BICD1: variants seen among roughly 807,000 people sequenced by gnomAD.
The protein encoded by BICD1 is protein bicaudal D homolog 1.
In BICD1, 35 loss-of-function variants were observed where a neutral mutation model predicts 92.5. The ratio of observed to expected loss-of-function variants is 0.38; its 90% CI spans 0.29 to 0.50. BICD1 has a LOEUF of 0.50. Among genes scored for constraint, BICD1 ranks in the 20% least tolerant of loss-of-function variants. The probability of loss-of-function intolerance (pLI) is 0.93; values close to 1 mark genes in which losing one functional copy is unlikely to be tolerated. For missense variants in BICD1, 950 were observed against 1,189.8 expected, an observed-to-expected ratio of 0.80 and a Z score of 2.97; for synonymous variants, 429 against 465.1, an observed-to-expected ratio of 0.92 and a Z score of 1.00.
At chr12:32,226,467 A>AT (rs1945696568) in intron 2 of BICD1, among the ~76,000 whole-genome samples, 1 of 152,130 alleles carries the variant, frequency 6.6e-6, no homozygotes, top group Admixed American at 6.5e-5. Context: ...TATTAACTGG[A>AT]TTTTTGTCAA....
In BICD1 at chr12:32,328,232, A is replaced by G; in HGVS notation, c.1777A>G (p.Ser593Gly). The G allele has an allele frequency of 6.2e-7, 1 of 1,614,196 alleles. No individual in the cohort carries two copies. Among genetic ancestry groups the G allele is most frequent in the Non-Finnish European group, 8.5e-7 (1 of 1,180,040 alleles). ...KESTEASKEP[S>G]PTKTPTISPV... ...AAGCACAGAGGCCAGCAAAGAACCA[A>G]GTCCAACTAAGACCCCCACAATCTC... The change falls in exon 5 of 10, where the codon AGT (serine) becomes GGT (glycine). Residue 593 changes from serine (S) to glycine (G), a missense_variant. Transcript: ENST00000652176. The surrounding 1 kb of genome is among the most constrained non-coding windows in gnomAD (Gnocchi z 4.4).
chr12:32,144,077 A>T (rs2121391253), intron 1 of BICD1, among the ~76,000 whole-genome samples: 1 of 151,906 alleles, frequency 6.6e-6, no homozygotes, highest in South Asian at 2.1e-4. Context: ...TCTGCAGTTT[A>T]CTCTTTTTGT....
chr12:32,347,567 G>T (rs944431658), intron 8 of BICD1, among the ~76,000 whole-genome samples: 10 of 151,740 alleles, frequency 6.6e-5, no homozygotes, highest in African/African-American at 2.2e-4. Flanking sequence ...GAACCCAGGA[G>T]GTGGAGGTTG....
At chr12:32,356,632 C>CA (rs146552935) in intron 8 of BICD1, among the ~76,000 whole-genome samples, 50 of 144,324 alleles carry the variant, frequency 3.5e-4, no homozygotes, top group Admixed American at 1.8e-3. Context: ...GACTCCATCT[C>CA]AAAAAAAAAA....
At chr12:32,263,940 T>C (rs1267232366) in intron 2 of BICD1, among the ~76,000 whole-genome samples, 10 of 152,204 alleles carry the variant, frequency 6.6e-5, no homozygotes. Context: ...CTTTAAAATT[T>C]TTTTTACCAC....
chr12:32,133,868 G>A (rs146532468), intron 1 of BICD1, among the ~76,000 whole-genome samples: 297 of 148,688 alleles, frequency 2.0e-3, no homozygotes, highest in African/African-American at 6.7e-3. Flanking sequence ...TGCAACCTCC[G>A]CCTCCCGGGT....
intron 1 of BICD1, among the ~76,000 whole-genome samples, chr12:32,177,891 T>C (rs1468183740): frequency 6.7e-6 from 1 of 150,316 alleles, no homozygotes; most frequent in African/African-American, 2.4e-5. Context: ...ACCAAAGTTA[T>C]TTGCAGCTGT....
chr12:32,315,380 A>C (rs1336519785), intron 4 of BICD1, among the ~76,000 whole-genome samples: 1 of 152,166 alleles, frequency 6.6e-6, no homozygotes, highest in African/African-American at 2.4e-5. Flanking sequence ...TTTTGTAGCA[A>C]TTTTTGAAAT....
intron 1 of BICD1, among the ~76,000 whole-genome samples, chr12:32,155,808 T>C (rs376992466): frequency 1.1e-4 from 17 of 152,244 alleles, no homozygotes; most frequent in African/African-American, 3.6e-4. Context: ...AAAAGTGATT[T>C]ATAATCTTTT....
chr12:32,162,197 G>A (rs2121499633), intron 1 of BICD1, among the ~76,000 whole-genome samples: 2 of 152,330 alleles, frequency 1.3e-5, no homozygotes, highest in Admixed American at 1.3e-4. Flanking sequence ...ACCACCCTCA[G>A]AAATGTAGCT....
intron 2 of BICD1, among the ~76,000 whole-genome samples, chr12:32,227,042 G>T (rs1565601376): frequency 6.6e-6 from 1 of 152,210 alleles, no homozygotes; most frequent in East Asian, 1.9e-4. Context: ...GTGTAAAGTG[G>T]CTGCCAGACC....
chr12:32,229,521 C>CATCCAAT (rs1945806044), intron 2 of BICD1, among the ~76,000 whole-genome samples: 3 of 152,104 alleles, frequency 2.0e-5, no homozygotes, highest in Non-Finnish European at 4.4e-5. Flanking sequence ...ATCAACAGTG[C>CATCCAAT]GGATGCTGCT....
intron 4 of BICD1, among the ~76,000 whole-genome samples, chr12:32,321,103 A>T (rs1948645371): frequency 6.6e-6 from 1 of 152,156 alleles, no homozygotes; most frequent in African/African-American, 2.4e-5. Flanking sequence ...AGGTGGGCAG[A>T]TCACCTGAGG....
intron 1 of BICD1, among the ~76,000 whole-genome samples, chr12:32,115,756 A>G (rs1355573068): frequency 1.3e-5 from 2 of 152,194 alleles, no homozygotes; most frequent in African/African-American, 4.8e-5. Flanking sequence ...TTGTGGGTAA[A>G]TTAGCAGTGA....
chr12:32,232,934 T>C (rs1035947412), intron 2 of BICD1, among the ~76,000 whole-genome samples: 1 of 152,138 alleles, frequency 6.6e-6, no homozygotes, highest in Non-Finnish European at 1.5e-5. Flanking sequence ...CATCAACCTC[T>C]TGTGTAGTAG....
intron 2 of BICD1, among the ~76,000 whole-genome samples, chr12:32,234,065 C>T (rs984516590): frequency 1.3e-5 from 2 of 152,058 alleles, no homozygotes; most frequent in Non-Finnish European, 2.9e-5. Flanking sequence ...AATGCATATC[C>T]AACAAAAATA....
chr12:32,162,883 G>A (rs1943641015), intron 1 of BICD1, among the ~76,000 whole-genome samples: 1 of 152,144 alleles, frequency 6.6e-6, no homozygotes, highest in Non-Finnish European at 1.5e-5. Context: ...CTACTCAGGA[G>A]GCTGAGGCAG....
chr12:32,369,826 A>G (rs1421617975), intron 9 of BICD1, among the ~76,000 whole-genome samples: 1 of 151,884 alleles, frequency 6.6e-6, no homozygotes, highest in African/African-American at 2.4e-5. Context: ...GGGTCACTTG[A>G]GCTCGGGAGG....
intron 4 of BICD1, among the ~76,000 whole-genome samples, chr12:32,323,643 A>T (rs1289676032): frequency 6.6e-6 from 1 of 152,200 alleles, no homozygotes; most frequent in Non-Finnish European, 1.5e-5. Context: ...GTATGGACAA[A>T]CACTATGTCA....
Sources: gnomAD v4.1 joint callset for allele counts (sites outside exome capture counted in the v4.1 genomes callset) on GRCh38, gnomAD v4.1.1 for gene constraint, Gnocchi (gnomAD v3.1) non-coding constraint, MANE v1.5 for transcripts, NCBI Gene and HGNC (gene_info 2026-07-23, HGNC 2026-07-21) for gene names.